The following SLC8A1 variants were observed in gnomAD, a reference collection of about 807,000 sequenced individuals.
SLC8A1 encodes solute carrier family 8 member A1.
In SLC8A1, 18 loss-of-function variants were observed where a neutral mutation model predicts 68.3. That is an observed-to-expected ratio of 0.26 (90% CI 0.18 to 0.39). The LOEUF (loss-of-function observed/expected upper bound fraction) is 0.39, where lower values mean the gene tolerates loss of function less well. Ranked by LOEUF, SLC8A1 falls within the 10% of genes least tolerant of loss-of-function variation. SLC8A1 has a pLI of 1.00. For missense variants in SLC8A1, 985 were observed against 1,156.7 expected (o/e 0.85, Z 2.15); for synonymous variants, 475 against 415.5 (o/e 1.14, Z -1.74).
intron 2 of SLC8A1, among the ~76,000 whole-genome samples, chr2:40,267,849 C>A (rs941292427): frequency 5.3e-5 from 8 of 152,238 alleles, no homozygotes; most frequent in Admixed American, 3.9e-4. Context: ...TGCAGAGAGT[C>A]CCTTCTCTGT....
Position 40,435,352 on chromosome 2 carries a change from A to G in SLC8A1, c.-24-5048T>C, listed in dbSNP as rs80324126. On this transcript the variant is annotated intron_variant, in intron 1 of 7. Transcript: ENST00000406785. ...CTTTTCTCATCTGACCATCTCACCT[A>G]AAGTGAAAATTACTGCCCTGGCTCC... 1.8e-3 allele frequency among the ~76,000 whole-genome samples: 267 copies of G among 152,266 alleles called. 1 individual carries two copies. The highest frequency in any genetic ancestry group is 6.1e-3 in the African/African-American group (252 of 41,574).
At chr2:40,431,041 G>C (rs187268242) in intron 1 of SLC8A1, among the ~76,000 whole-genome samples, 1 of 152,148 alleles carries the variant, frequency 6.6e-6, no homozygotes, top group Non-Finnish European at 1.5e-5. Flanking sequence ...GTTTTGATGA[G>C]AGCACATTTC....
chr2:40,205,873 G>C (rs1193282890), intron 2 of SLC8A1, among the ~76,000 whole-genome samples: 3 of 150,230 alleles, frequency 2.0e-5, no homozygotes, highest in Non-Finnish European at 4.4e-5. Flanking sequence ...TTCTATTTCA[G>C]TTGAGCTGTG....
intron 2 of SLC8A1, among the ~76,000 whole-genome samples, chr2:40,243,956 G>A (rs2061525678): frequency 6.6e-6 from 1 of 152,144 alleles, no homozygotes. Context: ...TGGGCAGAAT[G>A]GATAGCTTCT....
chr2:40,493,210 T>C lies in SLC8A1; in HGVS notation c.-25+19139A>G, dbSNP rs190929938. On this transcript the variant is annotated intron_variant, in intron 1 of 7. Coordinates refer to the SLC8A1 transcript ENST00000402441. ...GTCCTTCGTAGGGACATGGATGGAATTGGAAATCATCATTCTCAGTAAACT... is the reference window on the plus strand; with the variant it reads ...GTCCTTCGTAGGGACATGGATGGAACTGGAAATCATCATTCTCAGTAAACT... Among the ~76,000 whole-genome samples the C allele has an allele frequency of 3.5e-3, 533 of 152,030 alleles. 3 individuals carry two copies. Among genetic ancestry groups the C allele is most frequent in the African/African-American group, 0.012 (498 of 41,474 alleles).
intron 2 of SLC8A1, among the ~76,000 whole-genome samples, chr2:40,224,816 CT>C (rs745324378): frequency 3.3e-5 from 5 of 152,054 alleles, no homozygotes; most frequent in Non-Finnish European, 7.4e-5. Context: ...TATCCAGAAT[CT>C]ACAAACAACT....
intron 2 of SLC8A1, chr2:40,337,205 G>C (rs575173047): frequency 2.1e-4 from 48 of 231,732 alleles, no homozygotes; most frequent in African/African-American, 1.0e-3. Context: ...TTTAAGAATG[G>C]GGGAAGTAAA....
At chr2:40,287,920 C>T (rs993130703) in intron 2 of SLC8A1, among the ~76,000 whole-genome samples, 4 of 151,978 alleles carry the variant, frequency 2.6e-5, no homozygotes, top group African/African-American at 7.2e-5. Context: ...AGGAAGAACA[C>T]GCACGTTATG....
intron 2 of SLC8A1, among the ~76,000 whole-genome samples, chr2:40,413,027 T>C (rs1692668874): frequency 1.3e-5 from 2 of 152,164 alleles, no homozygotes. Flanking sequence ...GCATCAGGTA[T>C]ATCACCTAAT....
rs200355004 is a variant in SLC8A1 at position 40,430,111 on chromosome 2, T to C, written c.170A>G (p.Lys57Arg). The C allele has an allele frequency of 1.2e-5, 20 of 1,613,854 alleles. No individual in the cohort carries two copies. The East Asian group carries it at 4.5e-4, about 36-fold the overall frequency. The change falls in exon 2 of 8, where the codon AAA (lysine) becomes AGA (arginine). Residue 57 changes from lysine to arginine, a missense_variant. This residue lies in a region of SLC8A1 where 150 missense variants were observed against 160.9 expected (regional missense o/e 0.93). Coordinates refer to ENST00000406785, the Ensembl canonical transcript of SLC8A1. The stretch of plus-strand genomic sequence containing the variant: ...TTCCCAAATGGGCAAAATCACCCCT[T>C]TCTTACAGTAATATGATCCAGTACA...
At chr2:40,456,995 G>A (rs934205793), upstream of SLC8A1, among the ~76,000 whole-genome samples, 9 of 152,072 alleles carry the variant, frequency 5.9e-5, no homozygotes, top group Non-Finnish European at 1.0e-4. Context: ...ATTAAAAGGG[G>A]CAATGAATTC....
intron 1 of SLC8A1, among the ~76,000 whole-genome samples, chr2:40,509,521 A>G (rs1238541953): frequency 6.7e-6 from 1 of 150,238 alleles, no homozygotes; most frequent in Non-Finnish European, 1.5e-5. Context: ...TGTGGGCCAA[A>G]ATTTTCCAGG....
At position 40,393,687 on chromosome 2, in the gene SLC8A1, A is replaced by G. The variant is rs542334004; in HGVS notation, c.1808+34786T>C. On this transcript the variant is annotated intron_variant, in intron 2 of 7. Coordinates refer to ENST00000406785, the Ensembl canonical transcript of SLC8A1. ...TAATGTGAAAAAATAAAGAATTGGAATATTATCCTTGTGTCATTTGATTTG... is the reference window on the plus strand; with the variant it reads ...TAATGTGAAAAAATAAAGAATTGGAGTATTATCCTTGTGTCATTTGATTTG... Among the ~76,000 whole-genome samples, 43 of 152,278 alleles carry G rather than the reference A, an allele frequency of 2.8e-4. No homozygotes were observed. The South Asian group carries it at 3.1e-3, about 11-fold the overall frequency.
At chr2:40,406,531 G>C (rs1305328608) in intron 2 of SLC8A1, among the ~76,000 whole-genome samples, 1 of 152,166 alleles carries the variant, frequency 6.6e-6, no homozygotes, top group Admixed American at 6.5e-5. Flanking sequence ...AGTGAGGGTA[G>C]GAAAATGGGC....
intron 2 of SLC8A1, among the ~76,000 whole-genome samples, chr2:40,210,245 T>C (rs993286042): frequency 2.6e-5 from 4 of 152,118 alleles, no homozygotes; most frequent in African/African-American, 9.7e-5. Flanking sequence ...ATTGATGCTA[T>C]AAGAGAAGGG....
chr2:40,400,546 T>C (rs1688406460), intron 2 of SLC8A1, among the ~76,000 whole-genome samples: 1 of 152,172 alleles, frequency 6.6e-6, no homozygotes, highest in Admixed American at 6.5e-5. Flanking sequence ...TGAGTCAAAG[T>C]CCTTTGTAAA....
At chr2:40,294,788 A>G (rs1429810177) in intron 2 of SLC8A1, among the ~76,000 whole-genome samples, 1 of 152,208 alleles carries the variant, frequency 6.6e-6, no homozygotes, top group African/African-American at 2.4e-5. Context: ...TAAAAACAAT[A>G]ACTAAAAAGG....
At chr2:40,502,397 G>C (rs1005695836) in intron 1 of SLC8A1, among the ~76,000 whole-genome samples, 2 of 151,920 alleles carry the variant, frequency 1.3e-5, no homozygotes, top group African/African-American at 4.8e-5. Flanking sequence ...TAAATTATTT[G>C]AGGGTAAGGG....
intron 1 of SLC8A1, among the ~76,000 whole-genome samples, chr2:40,451,001 A>C (rs370105664): frequency 8.0e-4 from 121 of 151,942 alleles, no homozygotes; most frequent in African/African-American, 2.7e-3. Flanking sequence ...GGGGTGATGC[A>C]GGGGGTGGAT....
Sources: allele counts gnomAD v4.1 joint callset (sites outside exome capture counted in the v4.1 genomes callset), GRCh38; gene constraint gnomAD v4.1.1; regional missense constraint gnomAD v4.1.1; transcripts MANE v1.5; gene names NCBI Gene and HGNC (gene_info 2026-07-23, HGNC 2026-07-21).